The following ENOX2 variants were observed in gnomAD, a reference collection of about 807,000 sequenced individuals.
The protein encoded by ENOX2 is APK1 antigen.
A neutral mutation model predicts 45.0 loss-of-function variants in ENOX2; 36 were observed. The observed-to-expected ratio is 0.80, with a 90% CI of 0.61 to 1.06. The LOEUF (loss-of-function observed/expected upper bound fraction) is 1.06. Among genes scored for constraint, ENOX2 ranks in the 50% least tolerant of loss-of-function variants. The pLI, the probability that ENOX2 is intolerant of heterozygous loss-of-function variation, is 0.00. For synonymous variants in ENOX2, 174 were observed against 152.3 expected (o/e 1.14, Z -1.05); for missense variants, 423 against 462.5 (o/e 0.91, Z 0.78).
chrX:130,877,803 G>A (rs1022050591), intron 2 of ENOX2, among the ~76,000 whole-genome samples: 15 of 112,009 alleles, frequency 1.3e-4, no homozygotes, highest in Non-Finnish European at 2.4e-4. Context: ...ACTATCCTGG[G>A]AGGGGCAGCT....
chrX:130,870,944 CAGAG>C (rs777429549), intron 2 of ENOX2, among the ~76,000 whole-genome samples: 2 of 102,815 alleles, frequency 1.9e-5, no homozygotes, highest in South Asian at 4.4e-4. Context: ...GAGAGAGAGA[CAGAG>C]AGAGAGAGAG....
intron 3 of ENOX2, among the ~76,000 whole-genome samples, chrX:130,714,639 G>T (rs1184710815): frequency 1.8e-5 from 2 of 111,774 alleles, no homozygotes; most frequent in Non-Finnish European, 3.8e-5. Flanking sequence ...AAGACTACGA[G>T]ATACATTCTG....
rs145327361 is a variant in ENOX2, at chrX:130,729,825, G to C, written c.-38-26571C>G. 3.8e-3 allele frequency among the ~76,000 whole-genome samples: 428 copies of C among 112,142 alleles called. 2 individuals are homozygous for C. Among genetic ancestry groups the C allele is most frequent in the African/African-American group, 0.013 (414 of 30,872 alleles). ...CCTCATAGCAATAACAACAGCATTG[G>C]AGGCCATAGCAGCTTTCGATAAAGA... On this transcript the variant is annotated intron_variant, in intron 3 of 14. Transcript: ENST00000394363.
chrX:130,678,978 G>A (rs939730661), intron 6 of ENOX2, among the ~76,000 whole-genome samples: 1 of 111,602 alleles, frequency 9.0e-6, no homozygotes, highest in Non-Finnish European at 1.9e-5. Flanking sequence ...ACGTTCTGGT[G>A]GGGGAGATGG....
intron 2 of ENOX2, among the ~76,000 whole-genome samples, chrX:130,845,569 A>G (rs773041959): frequency 6.2e-5 from 7 of 112,081 alleles, no homozygotes; most frequent in Non-Finnish European, 9.4e-5. Context: ...GGGCTCAAGC[A>G]ATTCTCCTGC....
intron 2 of ENOX2, among the ~76,000 whole-genome samples, chrX:130,885,667 GTTT>G (rs1245627687): frequency 2.7e-5 from 3 of 111,991 alleles, no homozygotes; most frequent in Non-Finnish European, 5.6e-5. Context: ...AGATAATGTC[GTTT>G]TTAAAATGTA....
chrX:130,656,801 G>GA, intron 9 of ENOX2, 106 bp from the exon 10 acceptor site: 2 of 492,365 alleles, frequency 4.1e-6, no homozygotes, highest in East Asian at 3.6e-5. Context: ...GACATATTAG[G>GA]AAAAAAATCC....
At chrX:130,815,807 A>G (rs2077473389) in intron 2 of ENOX2, among the ~76,000 whole-genome samples, 1 of 112,117 alleles carries the variant, frequency 8.9e-6, no homozygotes, top group Admixed American at 9.4e-5. Context: ...CTAATCGTAA[A>G]GACCATCAAC....
At chrX:130,769,407 T>C (rs1603344376) in intron 3 of ENOX2, among the ~76,000 whole-genome samples, 1 of 111,986 alleles carries the variant, frequency 8.9e-6, no homozygotes, top group South Asian at 3.8e-4. Flanking sequence ...AATGCCCACA[T>C]TGGCTTTTCC....
At chrX:130,625,752 C>T (rs1407211031) in intron 14 of ENOX2, among the ~76,000 whole-genome samples, 1 of 111,270 alleles carries the variant, frequency 9.0e-6, no homozygotes, top group African/African-American at 3.3e-5. Context: ...ATGCTGCGTG[C>T]AGGTCCACTG....
intron 2 of ENOX2, among the ~76,000 whole-genome samples, chrX:130,870,099 C>G (rs978084211): frequency 8.1e-5 from 9 of 111,066 alleles, no homozygotes; most frequent in African/African-American, 9.8e-5. Flanking sequence ...AGAGATGATC[C>G]AAGTAAAAGC....
chrX:130,826,322 TAAATA>T lies in ENOX2; in HGVS notation c.-182-42637_-182-42633del, dbSNP rs1384932558. On this transcript the variant is annotated intron_variant, in intron 2 of 14. Coordinates refer to ENST00000394363, the MANE Select transcript of ENOX2 (RefSeq NM_006375.4). ...CTTTGGTGCCCTTTTTGTAAATAAA[TAAATA>T]AAAGTCCCACAAAGAGATAAGCATA... Among the ~76,000 whole-genome samples, 4 of 111,490 alleles carry T rather than the reference TAAATA, an allele frequency of 3.6e-5. No individual in the cohort carries two copies. In the Admixed American group the frequency reaches 3.8e-4, roughly 11 times the overall value.
rs1425584904 is a variant in ENOX2, at chrX:130,798,389, ATTTTTAT to A, written c.-182-14706_-182-14700del. ...AATGAGTATTCGCTGTCCAAAGTTT[ATTTTTAT>A]TTTTTAAAGTTCAAACCAGGTAACA... On this transcript the variant is annotated intron_variant, in intron 2 of 14. Coordinates refer to ENST00000394363, the MANE Select transcript of ENOX2 (RefSeq NM_006375.4). 5.3e-5 allele frequency among the ~76,000 whole-genome samples: 6 copies of A among 112,917 alleles called. No homozygotes were observed. The East Asian group carries it at 1.4e-3, about 26-fold the overall frequency.
intron 2 of ENOX2, among the ~76,000 whole-genome samples, chrX:130,805,189 C>A (rs192536939): frequency 6.2e-4 from 69 of 111,759 alleles, no homozygotes; most frequent in African/African-American, 2.2e-3. Context: ...TATAGCAGCC[C>A]GAACAGACTA....
At chrX:130,758,533 G>A (rs2039404896) in intron 3 of ENOX2, among the ~76,000 whole-genome samples, 1 of 112,323 alleles carries the variant, frequency 8.9e-6, no homozygotes, top group South Asian at 3.7e-4. Flanking sequence ...GGACATCTGG[G>A]TTGTTCGTAC....
chrX:130,688,694 A>G (rs1367639395), intron 5 of ENOX2, among the ~76,000 whole-genome samples, 169 bp downstream of exon 5: 1 of 112,263 alleles, frequency 8.9e-6, no homozygotes, highest in Non-Finnish European at 1.9e-5. Context: ...TGTTGTGTGC[A>G]TAAAATTCAA....
rs1293867216 is a variant in ENOX2 at position 130,661,296 on chromosome X, T to C, written c.1014+4347A>G. ...CTTGACCTACTGGGCTCAAGCTATC[T>C]TCCCACCTCAGCCTCCCAAGTAGCT... On this transcript the variant is annotated intron_variant, in intron 9 of 14. Coordinates refer to ENST00000394363, the MANE Select transcript of ENOX2 (RefSeq NM_006375.4). Among the ~76,000 whole-genome samples the C allele has an allele frequency of 2.7e-5, 3 of 109,243 alleles. No homozygotes were observed. In the Admixed American group the frequency reaches 2.9e-4, roughly 11 times the overall value. The allele number at this position is 109,243 out of a possible 115,157, so 94.9% of individuals were successfully genotyped here. A position where few individuals can be genotyped will look rare whatever the true frequency, so the allele number is the denominator to read the frequency against.
At chrX:130,700,744 T>C (rs1020659745) in intron 4 of ENOX2, among the ~76,000 whole-genome samples, 1 of 112,014 alleles carries the variant, frequency 8.9e-6, no homozygotes, top group African/African-American at 3.2e-5. Flanking sequence ...TATTATTTAA[T>C]GTCCACAGTA....
At chrX:130,779,216 C>T (rs557640303) in intron 3 of ENOX2, among the ~76,000 whole-genome samples, 2 of 112,315 alleles carry the variant, frequency 1.8e-5, no homozygotes, top group South Asian at 3.7e-4. Context: ...CCATCTTAGA[C>T]AATTTGTACA....
Sources: gnomAD v4.1 joint callset for allele counts (sites outside exome capture counted in the v4.1 genomes callset) on GRCh38, gnomAD v4.1.1 for gene constraint, MANE v1.5 for transcripts, NCBI Gene and HGNC (gene_info 2026-07-23, HGNC 2026-07-21) for gene names.